Variants in CTCF observed in about 807,000 individuals in gnomAD.
CTCF encodes the protein CCCTC-binding factor.
In CTCF, 7 loss-of-function variants were observed where a neutral mutation model predicts 72.3. That is an observed-to-expected ratio of 0.10 (90% CI 0.06 to 0.18). CTCF has a LOEUF of 0.18. Ranked by LOEUF, CTCF falls within the 10% of genes least tolerant of loss-of-function variation. CTCF has a pLI of 1.00. For synonymous variants in CTCF, 374 were observed against 315.8 expected, an observed-to-expected ratio of 1.18 and a Z score of -1.95; for missense variants, 516 against 949.1, an observed-to-expected ratio of 0.54 and a Z score of 6.00.
At chr16:67,629,747 T>C (rs12920541) in intron 10 of CTCF, among the ~76,000 whole-genome samples, 7 of 6,424 alleles carry the variant, frequency 1.1e-3, no homozygotes, top group East Asian at 2.4e-3. Flanking sequence ...ATTAATGCCC[T>C]TTTTTTTTTT....
At chr16:67,583,066 C>T (rs2051611179) in intron 2 of CTCF, among the ~76,000 whole-genome samples, 1 of 149,718 alleles carries the variant, frequency 6.7e-6, no homozygotes, top group Admixed American at 6.7e-5. Flanking sequence ...CTCACTGCAA[C>T]CTCCGCCTCC....
chr16:67,615,813 C>T (rs954327406), intron 4 of CTCF: 5 of 152,208 alleles, frequency 3.3e-5, no homozygotes, highest in African/African-American at 4.8e-5. Context: ...ACTCCAGTCA[C>T]TCTTCCTCTC....
At chr16:67,586,166 C>T (rs1255497298) in intron 2 of CTCF, among the ~76,000 whole-genome samples, 1 of 152,096 alleles carries the variant, frequency 6.6e-6, no homozygotes, top group Non-Finnish European at 1.5e-5. Context: ...TTTGGGAGGC[C>T]AAGGCAGGTG....
intron 10 of CTCF, among the ~76,000 whole-genome samples, chr16:67,631,162 T>G (rs575172589): frequency 3.7e-5 from 5 of 135,186 alleles, no homozygotes; most frequent in Non-Finnish European, 8.1e-5. Flanking sequence ...TTGTTTTTTT[T>G]TTGTTTTTTG....
At chr16:67,584,635 T>C (rs1402553274) in intron 2 of CTCF, among the ~76,000 whole-genome samples, 3 of 151,916 alleles carry the variant, frequency 2.0e-5, no homozygotes, top group Non-Finnish European at 2.9e-5. Flanking sequence ...CAGTCTTCTT[T>C]TTTTTTTTAA....
intron 10 of CTCF, among the ~76,000 whole-genome samples, chr16:67,634,075 TATTAATCCTGATAGCAAAAATTCC>T (rs1299383994): frequency 6.6e-6 from 1 of 152,222 alleles, no homozygotes; most frequent in Non-Finnish European, 1.5e-5. Flanking sequence ...CTGTTTATTA[TATTAATCCTGATAGCAAAAATTCC>T]AGCAAAAGCA....
At position 67,562,723 on chromosome 16, in the gene CTCF, A is replaced by C. The variant is rs1447872334; in HGVS notation, c.-128A>C. 5 of 147,124 alleles carry C rather than the reference A, an allele frequency of 3.4e-5. No individual in the cohort carries two copies. The highest frequency in any genetic ancestry group is 3.4e-4 in the Admixed American group (5 of 14,790). 9.1% of individuals were successfully genotyped at this position (147,124 alleles called of 1,614,324 possible). ...GGGCGCCGCGGGGGGTGTGGCGCGG[A>C]GGTAAGGGGGCCCGGGGTGGAGGAG... On this transcript the variant is annotated splice_region_variant and 5_prime_UTR_variant, in exon 1 of 12. Coordinates refer to ENST00000264010, the MANE Select transcript of CTCF (RefSeq NM_006565.4).
chr16:67,601,564 G>A (rs145765408), intron 2 of CTCF, among the ~76,000 whole-genome samples: 2 of 151,976 alleles, frequency 1.3e-5, no homozygotes, highest in Non-Finnish European at 2.9e-5. Context: ...GGATGGTCTC[G>A]ATCTCCTGAC....
intron 7 of CTCF, among the ~76,000 whole-genome samples, chr16:67,625,578 A>G (rs968240302): frequency 1.3e-5 from 2 of 152,176 alleles, no homozygotes; most frequent in Admixed American, 6.6e-5. Context: ...ATCAGCTCCC[A>G]TGGGCTCAAA....
intron 2 of CTCF, among the ~76,000 whole-genome samples, chr16:67,583,586 C>T (rs769487102): frequency 4.6e-5 from 7 of 151,890 alleles, no homozygotes; most frequent in Non-Finnish European, 8.8e-5. Context: ...ACTCGGGAGG[C>T]CGAGGCAGGA....
At chr16:67,584,325 A>C (rs1392989341) in intron 2 of CTCF, among the ~76,000 whole-genome samples, 1 of 148,440 alleles carries the variant, frequency 6.7e-6, no homozygotes, top group Non-Finnish European at 1.5e-5. Context: ...CTTCTCAAAA[A>C]AAAAAAGTCT....
rs1472624128 is a variant in CTCF, at chr16:67,638,628, T to C, written c.*756T>C. On this transcript the variant is annotated 3_prime_UTR_variant, in exon 12 of 12. Coordinates refer to ENST00000264010, the MANE Select transcript of CTCF (RefSeq NM_006565.4). Reference sequence around the variant, plus strand: ...TGCCCACCAGTGACGGACATGCACGTGGCAGATCATGATTTCCAGCCCACG... The same window carrying C: ...TGCCCACCAGTGACGGACATGCACGCGGCAGATCATGATTTCCAGCCCACG... 8.6e-6 allele frequency: 2 copies of C among 231,904 alleles called. No homozygotes were observed. The highest frequency in any genetic ancestry group is 4.4e-5 in the African/African-American group (2 of 45,242). 14.4% of individuals were successfully genotyped at this position (231,904 alleles called of 1,614,324 possible).
At chr16:67,607,794 C>T (rs2051996335) in intron 2 of CTCF, among the ~76,000 whole-genome samples, 1 of 150,606 alleles carries the variant, frequency 6.6e-6, no homozygotes, top group Admixed American at 6.6e-5. Context: ...CCGAGGCGGA[C>T]AGATCACGAG....
In CTCF at chr16:67,571,157, G is replaced by A. The variant is rs1292229117; in HGVS notation, c.-117G>A. ...TGTGCTTTTCTTTTAGAATGATTAC[G>A]GACCTGAAGCCAAAGAACAAGATGC... On this transcript the variant is annotated 5_prime_UTR_variant, in exon 2 of 12. Coordinates refer to ENST00000264010, the MANE Select transcript of CTCF (RefSeq NM_006565.4). 4 of 152,348 alleles carry A rather than the reference G, an allele frequency of 2.6e-5. No individual in the cohort carries two copies. The highest frequency in any genetic ancestry group is 4.4e-5 in the Non-Finnish European group (3 of 68,010). 9.4% of individuals were successfully genotyped at this position (152,348 alleles called of 1,614,324 possible). A position where few individuals can be genotyped will look rare whatever the true frequency, so the allele number is the denominator to read the frequency against.
intron 2 of CTCF, among the ~76,000 whole-genome samples, chr16:67,606,756 GTTTTT>G (rs796220502): frequency 8.0e-6 from 1 of 124,474 alleles, no homozygotes; most frequent in African/African-American, 3.1e-5. Context: ...TTTGTTTTGG[GTTTTT>G]TTTTTTTTTT....
Position 67,637,845 on chromosome 16 carries a change from G to A in CTCF, c.2157G>A (p.Glu719=), listed in dbSNP as rs778243342. ...TDAPNGDLTP[E]MILSMMDR is the part of the protein sequence containing the mutation. ...CCCCCAACGGAGACCTCACGCCCGA[G>A]ATGATCCTCAGCATGATGGACCGGT... The change falls in exon 12 of 12, where the codon GAG becomes GAA. Residue 719 remains glutamate (E), a synonymous_variant. Transcript: ENST00000264010. 147 of 1,612,276 alleles carry A rather than the reference G, an allele frequency of 9.1e-5. 2 individuals are homozygous for A. The South Asian group carries it at 1.4e-3, about 15-fold the overall frequency.
At chr16:67,601,579 G>C (rs1462571085) in intron 2 of CTCF, among the ~76,000 whole-genome samples, 1 of 151,772 alleles carries the variant, frequency 6.6e-6, no homozygotes, top group Non-Finnish European at 1.5e-5. Flanking sequence ...CCTGACCTCG[G>C]GGATGCTCTG....
chr16:67,566,611 T>G (rs753297665), intron 1 of CTCF, among the ~76,000 whole-genome samples: 2 of 151,406 alleles, frequency 1.3e-5, no homozygotes, highest in Non-Finnish European at 2.9e-5. Flanking sequence ...GAGTCTCGCT[T>G]TGTCTACCAG....
In CTCF at chr16:67,569,637, T is replaced by A. The variant is rs180930285; in HGVS notation, c.-126-1511T>A. 1.5e-3 allele frequency among the ~76,000 whole-genome samples: 225 copies of A among 152,208 alleles called. 1 individual carries two copies. Among genetic ancestry groups the A allele is most frequent in the African/African-American group, 5.2e-3 (214 of 41,542 alleles). On this transcript the variant is annotated intron_variant, in intron 1 of 11. Transcript: ENST00000264010. The stretch of plus-strand genomic sequence containing the variant: ...TCGACTAAAAAAACTGTTTCATTGC[T>A]ATGCTTCTAGGATTTTCAAAGGTCA...
Sources: gnomAD v4.1 joint callset for allele counts (sites outside exome capture counted in the v4.1 genomes callset) on GRCh38, gnomAD v4.1.1 for gene constraint, MANE v1.5 for transcripts, NCBI Gene and HGNC (gene_info 2026-07-23, HGNC 2026-07-21) for gene names.